DLG2: variants seen among roughly 807,000 people sequenced by gnomAD.
The protein encoded by DLG2 is disks large homolog 2.
A neutral mutation model predicts 132.5 loss-of-function variants in DLG2; 45 were observed. That is an observed-to-expected ratio of 0.34 (90% CI 0.27 to 0.44). The LOEUF is 0.44. Among genes scored for constraint, DLG2 ranks in the 20% least tolerant of loss-of-function variants. DLG2 has a pLI of 1.00. For synonymous variants in DLG2, 424 were observed against 419.6 expected, an observed-to-expected ratio of 1.01 and a Z score of -0.13; for missense variants, 1,045 against 1,196.9, an observed-to-expected ratio of 0.87 and a Z score of 1.87.
intron 6 of DLG2, among the ~76,000 whole-genome samples, chr11:84,844,139 A>G (rs1406325191): frequency 3.7e-3 from 170 of 45,970 alleles, no homozygotes; most frequent in African/African-American, 0.011. Context: ...GTGTGTGTAT[A>G]TATATATATA....
At chr11:85,582,933 T>C (rs915100120) in intron 3 of DLG2, among the ~76,000 whole-genome samples, 3 of 148,356 alleles carry the variant, frequency 2.0e-5, no homozygotes, top group East Asian at 2.0e-4. Context: ...TTTGCAAATA[T>C]ATATTCCTGC....
chr11:84,651,905 T>C (rs2099682483), intron 6 of DLG2, among the ~76,000 whole-genome samples: 1 of 152,108 alleles, frequency 6.6e-6, no homozygotes, highest in Non-Finnish European at 1.5e-5. Flanking sequence ...TATACAGATT[T>C]TAATGCCAGT....
chr11:85,530,092 G>A (rs1399155290), intron 3 of DLG2, among the ~76,000 whole-genome samples: 5 of 150,326 alleles, frequency 3.3e-5, no homozygotes, highest in Non-Finnish European at 5.9e-5. Context: ...CACCTCATGG[G>A]TTCAAGCGAT....
intron 6 of DLG2, among the ~76,000 whole-genome samples, chr11:84,627,518 C>T (rs897973321): frequency 6.6e-5 from 10 of 152,130 alleles, no homozygotes; most frequent in Non-Finnish European, 1.0e-4. Flanking sequence ...AGTACTGCAG[C>T]GGAAATTTCA....
intron 6 of DLG2, among the ~76,000 whole-genome samples, chr11:85,100,153 T>A (rs1044865449): frequency 2.6e-5 from 4 of 152,174 alleles, no homozygotes; most frequent in African/African-American, 9.7e-5. Context: ...AGTTATATCT[T>A]ACACTATCTG....
chr11:84,363,329 T>C (rs1173942244), intron 7 of DLG2, among the ~76,000 whole-genome samples: 3 of 151,738 alleles, frequency 2.0e-5, no homozygotes, highest in South Asian at 4.1e-4. Context: ...TGTCTGTTCA[T>C]GTCCTTCGCC....
intron 7 of DLG2, among the ~76,000 whole-genome samples, chr11:84,355,183 G>A (rs1191985819): frequency 6.6e-6 from 1 of 152,066 alleles, no homozygotes; most frequent in Non-Finnish European, 1.5e-5. Context: ...TGCTACTTGT[G>A]CTAGGATTTG....
intron 6 of DLG2, among the ~76,000 whole-genome samples, chr11:84,709,199 C>T (rs1312511632): frequency 6.6e-6 from 1 of 151,892 alleles, no homozygotes; most frequent in East Asian, 1.9e-4. Context: ...GAAACCTTAT[C>T]TAGCAAAGTG....
rs531114012 is a variant in DLG2, at chr11:84,048,082, A to G, written c.919+11233T>C. On this transcript the variant is annotated intron_variant, in intron 11 of 27. Transcript: ENST00000376104. The stretch of plus-strand genomic sequence containing the variant: ...AATCAGAAATTAACAACGTGCATGC[A>G]CAAGAAATTCTACAGGAAAAGTACC... Among the ~76,000 whole-genome samples, 4 of 151,708 alleles carry G rather than the reference A, an allele frequency of 2.6e-5. No individual in the cohort carries two copies. In the East Asian group the frequency reaches 7.8e-4, roughly 30 times the overall value.
At chr11:84,546,627 T>C in intron 6 of DLG2, 3 of 522,676 alleles carry the variant, frequency 5.7e-6, no homozygotes, top group Non-Finnish European at 1.1e-5. Context: ...TAGCATGGCA[T>C]TTAGGGCTGC....
chr11:83,588,877 A>T (rs961958111), intron 19 of DLG2, among the ~76,000 whole-genome samples: 5 of 152,188 alleles, frequency 3.3e-5, no homozygotes, highest in African/African-American at 1.2e-4. Context: ...ATCAACTGGA[A>T]GAAAGGGTAT....
At chr11:85,158,480 C>G (rs549312834) in intron 4 of DLG2, among the ~76,000 whole-genome samples, 5 of 152,158 alleles carry the variant, frequency 3.3e-5, no homozygotes, top group Non-Finnish European at 7.3e-5. Context: ...TTTAGATCTA[C>G]TCATCCCAGC....
chr11:84,110,323 A>G (rs536194700), intron 9 of DLG2, among the ~76,000 whole-genome samples: 5 of 152,264 alleles, frequency 3.3e-5, no homozygotes, highest in East Asian at 1.9e-4. Context: ...GGGTCCTCTT[A>G]CTGGATGATT....
chr11:84,719,358 T>C (rs528029374), intron 6 of DLG2, among the ~76,000 whole-genome samples: 1 of 152,286 alleles, frequency 6.6e-6, no homozygotes, highest in African/African-American at 2.4e-5. Flanking sequence ...TCTCTTTCTC[T>C]CTCTCTCTCC....
At position 84,844,125 on chromosome 11, in the gene DLG2, GTGTGTGTGTGTATATA is replaced by G. The variant is rs1467170536; in HGVS notation, c.357+267520_357+267535del. On this transcript the variant is annotated intron_variant, in intron 6 of 27. Coordinates refer to ENST00000376104, the MANE Select transcript of DLG2 (RefSeq NM_001142699.3). The stretch of plus-strand genomic sequence containing the variant: ...TATGTTTGTGTGTGTGTGTGTGTGT[GTGTGTGTGTGTATATA>G]TATATATATATATATATATATATAT... Among the ~76,000 whole-genome samples, 220 of 34,432 alleles carry G rather than the reference GTGTGTGTGTGTATATA, an allele frequency of 6.4e-3. 1 individual carries two copies. Among genetic ancestry groups the G allele is most frequent in the African/African-American group, 0.015 (151 of 10,250 alleles). The allele number at this position is 34,432 out of a possible 152,430, so 22.6% of individuals were successfully genotyped here. A position where few individuals can be genotyped will look rare whatever the true frequency, so the allele number is the denominator to read the frequency against.
chr11:84,784,345 TAAATAAATAAATA>T (rs2072452739), intron 6 of DLG2, among the ~76,000 whole-genome samples: 1 of 146,976 alleles, frequency 6.8e-6, no homozygotes, highest in Non-Finnish European at 1.5e-5. Context: ...AATAAATAAA[TAAATAAATAAATA>T]AATAAATAAA....
chr11:85,284,163 A>G (rs2078413133), intron 4 of DLG2, among the ~76,000 whole-genome samples: 1 of 151,976 alleles, frequency 6.6e-6, no homozygotes, highest in African/African-American at 2.4e-5. Context: ...AGGACTAAAA[A>G]AGTCAAAATA....
chr11:84,842,596 C>A (rs1053226985), intron 6 of DLG2, among the ~76,000 whole-genome samples: 1 of 151,996 alleles, frequency 6.6e-6, no homozygotes, highest in African/African-American at 2.4e-5. Flanking sequence ...GTCCAGAGCA[C>A]TTCAATAGTT....
chr11:84,428,327 A>G (rs2098973522), intron 7 of DLG2, among the ~76,000 whole-genome samples: 1 of 152,240 alleles, frequency 6.6e-6, no homozygotes, highest in African/African-American at 2.4e-5. Context: ...GGCCTTGGGC[A>G]CTAAAAACCA....
Sources: allele counts gnomAD v4.1 joint callset (sites outside exome capture counted in the v4.1 genomes callset), GRCh38; gene constraint gnomAD v4.1.1; transcripts MANE v1.5; gene names NCBI Gene and HGNC (gene_info 2026-07-23, HGNC 2026-07-21).